HPCAL1: variants seen among roughly 807,000 people sequenced by gnomAD.
HPCAL1 encodes hippocalcin like 1.
In HPCAL1, 8 loss-of-function variants were observed where a neutral mutation model predicts 17.1. The observed-to-expected ratio is 0.47, with a 90% CI of 0.27 to 0.84. The LOEUF is 0.84. Ranked by LOEUF, HPCAL1 falls within the 40% of genes least tolerant of loss-of-function variation. The probability of loss-of-function intolerance (pLI) is 0.13; values close to 1 mark genes in which losing one functional copy is unlikely to be tolerated. For synonymous variants in HPCAL1, 112 were observed against 111.4 expected (o/e 1.01, Z -0.03); for missense variants, 165 against 271.1 (o/e 0.61, Z 2.75).
At chr2:10,306,672 T>C (rs1204060464) in intron 1 of HPCAL1, among the ~76,000 whole-genome samples, 1 of 152,198 alleles carries the variant, frequency 6.6e-6, no homozygotes, top group Non-Finnish European at 1.5e-5. Flanking sequence ...GTGGTGCAGA[T>C]TGTAATATGA....
intron 1 of HPCAL1, among the ~76,000 whole-genome samples, chr2:10,308,027 C>T (rs967563320): frequency 6.6e-6 from 1 of 152,130 alleles, no homozygotes; most frequent in Non-Finnish European, 1.5e-5. Flanking sequence ...AGGTCTTGGG[C>T]TGGGGGTTGT....
At chr2:10,407,034 C>T (rs3771134) in intron 2 of HPCAL1, among the ~76,000 whole-genome samples, 39,226 of 151,962 alleles carry the variant, frequency 0.26, 5,391 homozygotes, top group South Asian at 0.43. Flanking sequence ...ATGATGACGC[C>T]GCACTGGTCC....
rs1354365208 is a variant in HPCAL1 at position 10,342,774 on chromosome 2, C to T, written c.-111+39597C>T. The stretch of plus-strand genomic sequence containing the variant: ...CACAATCTGTTCCCGGTTGGGCCAG[C>T]TGCCCTCCAGTAGCTACGCAGGATG... On this transcript the variant is annotated intron_variant, in intron 1 of 4. Transcript: ENST00000307845. The surrounding 1 kb of genome is among the most constrained non-coding windows in gnomAD (Gnocchi z 4.1). Among the ~76,000 whole-genome samples, 4 of 152,322 alleles carry T rather than the reference C, an allele frequency of 2.6e-5. No homozygotes were observed. In the East Asian group the frequency reaches 7.7e-4, roughly 29 times the overall value.
chr2:10,354,800 C>T lies in HPCAL1; in HGVS notation c.-110-42035C>T, dbSNP rs1276758682. On this transcript the variant is annotated intron_variant, in intron 1 of 4. Transcript: ENST00000307845. This position sits in a 1 kb window ranked among gnomAD's most constrained non-coding sequence, Gnocchi z 5.1. ...AATGCCCTGGGTTTTCCAAACGTGT[C>T]TGATCTTAAATACACAGCCCTGCGT... is the stretch of plus-strand genomic sequence containing the variant. Among the ~76,000 whole-genome samples the T allele has an allele frequency of 1.3e-5, 2 of 152,236 alleles. No homozygotes were observed. Among genetic ancestry groups the T allele is most frequent in the Non-Finnish European group, 2.9e-5 (2 of 68,048 alleles).
At chr2:10,338,113 A>G (rs60661460) in intron 1 of HPCAL1, among the ~76,000 whole-genome samples, 22,904 of 152,002 alleles carry the variant, frequency 0.15, 1,896 homozygotes, top group South Asian at 0.24. Context: ...TTCTGTGTAC[A>G]TGAGCGGTGC....
intron 1 of HPCAL1, among the ~76,000 whole-genome samples, chr2:10,345,155 C>T (rs1665344527): frequency 6.6e-6 from 1 of 152,006 alleles, no homozygotes; most frequent in South Asian, 2.1e-4. Context: ...GTCTGTCTTG[C>T]TCTCTCTGTT....
At chr2:10,401,865 C>A (rs1024561059) in intron 2 of HPCAL1, among the ~76,000 whole-genome samples, 1 of 152,142 alleles carries the variant, frequency 6.6e-6, no homozygotes, top group African/African-American at 2.4e-5. Flanking sequence ...CCAAGCCCGG[C>A]GCCAGGCTCA....
At position 10,342,780 on chromosome 2, in the gene HPCAL1, T is replaced by G. The variant is rs1409337968; in HGVS notation, c.-111+39603T>G. Among the ~76,000 whole-genome samples the G allele has an allele frequency of 6.6e-6, 1 of 152,186 alleles. No homozygotes were observed. The highest frequency in any genetic ancestry group is 1.5e-5 in the Non-Finnish European group (1 of 68,032). On this transcript the variant is annotated intron_variant, in intron 1 of 4. Transcript: ENST00000307845. The surrounding 1 kb of genome is among the most constrained non-coding windows in gnomAD (Gnocchi z 4.1). ...CTGTTCCCGGTTGGGCCAGCTGCCC[T>G]CCAGTAGCTACGCAGGATGCTCTGG...
chr2:10,355,788 A>G (rs1020591420), intron 1 of HPCAL1, among the ~76,000 whole-genome samples: 2 of 151,944 alleles, frequency 1.3e-5, no homozygotes, highest in Admixed American at 6.6e-5. Context: ...TTTTTCCTAA[A>G]TAGATACAGA....
intron 1 of HPCAL1, among the ~76,000 whole-genome samples, chr2:10,389,276 G>A (rs1402990729): frequency 6.6e-6 from 1 of 152,204 alleles, no homozygotes; most frequent in Non-Finnish European, 1.5e-5. Flanking sequence ...AAATCTGATT[G>A]CAGTGCCGCC....
At chr2:10,422,252 T>C (rs909997527) in intron 3 of HPCAL1, among the ~76,000 whole-genome samples, 5 of 152,086 alleles carry the variant, frequency 3.3e-5, no homozygotes, top group African/African-American at 1.2e-4. Flanking sequence ...AATGAGAAAA[T>C]GGTCTGTTGT....
At chr2:10,368,366 T>C (rs1415983080) in intron 1 of HPCAL1, among the ~76,000 whole-genome samples, 1 of 151,692 alleles carries the variant, frequency 6.6e-6, no homozygotes, top group Non-Finnish European at 1.5e-5. Context: ...TGTGTGCATA[T>C]GTGTGTGTAG....
chr2:10,330,594 G>A lies in HPCAL1; in HGVS notation c.-111+27417G>A, dbSNP rs750612288. On this transcript the variant is annotated intron_variant, in intron 1 of 4. Coordinates refer to ENST00000307845, the MANE Select transcript of HPCAL1 (RefSeq NM_002149.4). This position sits in a 1 kb window ranked among gnomAD's most constrained non-coding sequence, Gnocchi z 4.2. ...GCCCTTTCTCCCTCTGTTCTCACAC[G>A]GCCATCCCTCCGAGTGTGTCTGAGT... is the stretch of plus-strand genomic sequence containing the variant. Among the ~76,000 whole-genome samples the A allele has an allele frequency of 1.3e-5, 2 of 152,096 alleles. No homozygotes were observed. The highest frequency in any genetic ancestry group is 1.9e-4 in the East Asian group (1 of 5,192).
At position 10,310,651 on chromosome 2, in the gene HPCAL1, T is replaced by C. The variant is rs538815454; in HGVS notation, c.-111+7474T>C. On this transcript the variant is annotated intron_variant, in intron 1 of 4. Coordinates refer to ENST00000307845, the MANE Select transcript of HPCAL1 (RefSeq NM_002149.4). This position sits in a 1 kb window ranked among gnomAD's most constrained non-coding sequence, Gnocchi z 4.5. The stretch of plus-strand genomic sequence containing the variant: ...GGGTTGCACAGAGAGAGCTGCAGGT[T>C]GTTCCTCAGGCATAACGAGGCCCGG... Among the ~76,000 whole-genome samples, 3 of 152,242 alleles carry C rather than the reference T, an allele frequency of 2.0e-5. No individual in the cohort carries two copies. Among genetic ancestry groups the C allele is most frequent in the Admixed American group, 6.5e-5 (1 of 15,288 alleles).
At chr2:10,334,778 C>T (rs2125428967) in intron 1 of HPCAL1, among the ~76,000 whole-genome samples, 1 of 150,898 alleles carries the variant, frequency 6.6e-6, no homozygotes, top group Admixed American at 6.6e-5. Context: ...TTCCACCTCC[C>T]AGGCTCAAGC....
At chr2:10,385,649 C>T (rs960260682) in intron 1 of HPCAL1, among the ~76,000 whole-genome samples, 1 of 152,144 alleles carries the variant, frequency 6.6e-6, no homozygotes, top group Non-Finnish European at 1.5e-5. Context: ...CGCGTGGTGT[C>T]ACTAATAGGA....
At chr2:10,328,129 G>A (rs1014998995) in intron 1 of HPCAL1, among the ~76,000 whole-genome samples, 1 of 152,218 alleles carries the variant, frequency 6.6e-6, no homozygotes, top group African/African-American at 2.4e-5. Context: ...TTGGTTCTGT[G>A]TGTGGTCTCC....
chr2:10,411,656 C>T (rs62130189), intron 2 of HPCAL1, among the ~76,000 whole-genome samples: 35,955 of 152,104 alleles, frequency 0.24, 4,537 homozygotes, highest in South Asian at 0.41. Context: ...GACTGGGGAC[C>T]GGCATCCCAG....
At chr2:10,311,775 A>T (rs1319421214) in intron 1 of HPCAL1, among the ~76,000 whole-genome samples, 1 of 152,100 alleles carries the variant, frequency 6.6e-6, no homozygotes, top group South Asian at 2.1e-4. Context: ...CATTATCATT[A>T]TCACTATCAT....
Sources: gnomAD v4.1 joint callset for allele counts (sites outside exome capture counted in the v4.1 genomes callset) on GRCh38, gnomAD v4.1.1 for gene constraint, Gnocchi (gnomAD v3.1) non-coding constraint, MANE v1.5 for transcripts, NCBI Gene and HGNC (gene_info 2026-07-23, HGNC 2026-07-21) for gene names.